CORO2B: variants seen among roughly 807,000 people sequenced by gnomAD.
CORO2B encodes coronin 2B.
Under a neutral mutation model 58.8 loss-of-function variants are expected in CORO2B, and 26 were observed. That is an observed-to-expected ratio of 0.44 (90% CI 0.32 to 0.61). CORO2B has a LOEUF of 0.61. Ranked by LOEUF, CORO2B falls within the 20% of genes least tolerant of loss-of-function variation. The pLI is 0.04. For missense variants in CORO2B, 460 were observed against 645.1 expected, an observed-to-expected ratio of 0.71 and a Z score of 3.11; for synonymous variants, 242 against 253.8, an observed-to-expected ratio of 0.95 and a Z score of 0.44.
At chr15:68,588,688 G>A (rs1318457208) in intron 1 of CORO2B, among the ~76,000 whole-genome samples, 2 of 152,146 alleles carry the variant, frequency 1.3e-5, no homozygotes, top group African/African-American at 2.4e-5. Flanking sequence ...ACTAGCTTGA[G>A]GCATTTGCAG....
chr15:68,641,277 C>T lies in CORO2B; in HGVS notation c.16-3883C>T, dbSNP rs561850978. ...CCCGAGCCTGAGCGCTGTGGTCCCC[C>T]AGGATGCAGCATCCAGCTCAGAAGT... On this transcript the variant is annotated intron_variant, in intron 1 of 11. Transcript: ENST00000261861. 2.6e-5 allele frequency among the ~76,000 whole-genome samples: 4 copies of T among 152,300 alleles called. No homozygotes were observed. The East Asian group carries it at 7.7e-4, about 29-fold the overall frequency.
intron 1 of CORO2B, among the ~76,000 whole-genome samples, chr15:68,618,584 C>A (rs77719062): frequency 6.6e-6 from 1 of 152,342 alleles, no homozygotes; most frequent in East Asian, 1.9e-4. Flanking sequence ...CAGTGCTCTT[C>A]CTGGGTTATC....
chr15:68,608,668 G>C (rs1289946745), intron 1 of CORO2B, among the ~76,000 whole-genome samples: 1 of 152,192 alleles, frequency 6.6e-6, no homozygotes, highest in Non-Finnish European at 1.5e-5. Flanking sequence ...CTCTCCTAGG[G>C]AGGGAACTCC....
At position 68,650,828 on chromosome 15, in the gene CORO2B, T is replaced by C. The variant is rs1901618368; in HGVS notation, c.216+5468T>C. ...TGATGTGAAGAGGGAGCCCCTGAAGTTTCAGAGGCCCTACAGGCCAGAGAG... is the reference window on the plus strand; with the variant it reads ...TGATGTGAAGAGGGAGCCCCTGAAGCTTCAGAGGCCCTACAGGCCAGAGAG... On this transcript the variant is annotated intron_variant, in intron 2 of 11. Transcript: ENST00000261861. Among the ~76,000 whole-genome samples, 4 of 152,210 alleles carry C rather than the reference T, an allele frequency of 2.6e-5. No individual in the cohort carries two copies. The South Asian group carries it at 8.3e-4, about 32-fold the overall frequency.
intron 2 of CORO2B, among the ~76,000 whole-genome samples, chr15:68,688,541 T>C (rs1278173182): frequency 1.3e-5 from 2 of 152,198 alleles, no homozygotes; most frequent in Non-Finnish European, 2.9e-5. Flanking sequence ...AAATCTGAAA[T>C]ACTTCTGGTC....
the CORO2B span, among the ~76,000 whole-genome samples, chr15:68,531,549 A>AAAG: frequency 7.5e-6 from 1 of 133,156 alleles, no homozygotes; most frequent in Non-Finnish European, 1.6e-5. Flanking sequence ...GGAAGGAAGG[A>AAAG]AGGAAGGAAA....
chr15:68,652,596 T>C (rs559985229), intron 2 of CORO2B, among the ~76,000 whole-genome samples: 1 of 152,298 alleles, frequency 6.6e-6, no homozygotes, highest in East Asian at 1.9e-4. Flanking sequence ...CCATTCTCAG[T>C]CCCAGCTGTA....
chr15:68,721,727 T>A (rs1458340660), intron 11 of CORO2B, among the ~76,000 whole-genome samples: 1 of 127,660 alleles, frequency 7.8e-6, no homozygotes, highest in African/African-American at 2.7e-5. Context: ...ATTTAAAAAA[T>A]TTTTAAGTGT....
chr15:68,714,037 A>G lies in CORO2B; in HGVS notation c.761A>G (p.Asp254Gly). Residue 254 changes from aspartate to glycine, a missense_variant, in exon 6 of 12, where the codon GAC becomes GGC. Transcript: ENST00000261861. ...RWNTRQIALW[D>G]QEDLSMPLIE... The stretch of plus-strand genomic sequence containing the variant: ...AACACAAGACAGATTGCCCTCTGGG[A>G]CCAGGTCAGCCACGGGGAGGCCTGC... The G allele has an allele frequency of 6.2e-6, 10 of 1,610,884 alleles. No homozygotes were observed. Among genetic ancestry groups the G allele is most frequent in the Non-Finnish European group, 8.5e-6 (10 of 1,177,222 alleles).
intron 11 of CORO2B, among the ~76,000 whole-genome samples, chr15:68,723,562 C>T (rs112228181): frequency 0.027 from 4,068 of 152,056 alleles, 201 homozygotes; most frequent in African/African-American, 0.088. Context: ...TCAAGCAATT[C>T]TTTGCTTCAG....
chr15:68,605,546 AAT>A, intron 1 of CORO2B, among the ~76,000 whole-genome samples: 1 of 152,340 alleles, frequency 6.6e-6, no homozygotes, highest in African/African-American at 2.4e-5. Flanking sequence ...AGTGTGGGAA[AAT>A]ATTCGTGCTA....
upstream of CORO2B, chr15:68,578,894 TTCCTCC>T: frequency 2.3e-6 from 1 of 436,984 alleles, no homozygotes; most frequent in Non-Finnish European, 3.0e-6. The surrounding 1 kb of genome is among the most constrained non-coding windows in gnomAD (Gnocchi z 4.2). Context: ...CGGGCTGCGC[TTCCTCC>T]TCCTCCTCCC....
At chr15:68,626,572 G>A (rs73442227) in intron 1 of CORO2B, among the ~76,000 whole-genome samples, 5,535 of 152,162 alleles carry the variant, frequency 0.036, 122 homozygotes, top group South Asian at 0.097. Flanking sequence ...ACACAGATGC[G>A]GGACTCCCAG....
chr15:68,716,336 C>A (rs2140331323), intron 8 of CORO2B, among the ~76,000 whole-genome samples: 1 of 152,354 alleles, frequency 6.6e-6, no homozygotes, highest in East Asian at 1.9e-4. Flanking sequence ...GATAATCAAA[C>A]CTTCCTTGAA....
intron 1 of CORO2B, among the ~76,000 whole-genome samples, chr15:68,619,711 CCATA>C (rs934327320): frequency 4.0e-5 from 6 of 151,088 alleles, no homozygotes; most frequent in Non-Finnish European, 5.9e-5. Flanking sequence ...ATATGTGTAC[CCATA>C]CATATATGTA....
At chr15:68,520,671 T>C in the CORO2B span, among the ~76,000 whole-genome samples, 2 of 152,344 alleles carry the variant, frequency 1.3e-5, no homozygotes, top group Non-Finnish European at 2.9e-5. Flanking sequence ...AAGTCAAATA[T>C]GGTTGACTAT....
intron 3 of CORO2B, among the ~76,000 whole-genome samples, chr15:68,706,670 C>A (rs192705617): frequency 6.6e-6 from 1 of 152,304 alleles, no homozygotes; most frequent in Admixed American, 6.5e-5. Flanking sequence ...CAAGTGCAGA[C>A]AAGGGTAGCC....
chr15:68,672,842 G>A (rs898098215), intron 2 of CORO2B, among the ~76,000 whole-genome samples: 2 of 152,256 alleles, frequency 1.3e-5, no homozygotes, highest in Middle Eastern at 6.8e-3. Context: ...CCACCAAGTG[G>A]CCAGGGACTG....
the CORO2B span, among the ~76,000 whole-genome samples, chr15:68,518,765 G>A: frequency 6.6e-6 from 1 of 152,098 alleles, no homozygotes; most frequent in Non-Finnish European, 1.5e-5. Context: ...TGGAGAGGGG[G>A]TGGGGGGCTG....
Sources: allele counts gnomAD v4.1 joint callset (sites outside exome capture counted in the v4.1 genomes callset), GRCh38; gene constraint gnomAD v4.1.1; non-coding constraint Gnocchi (gnomAD v3.1); transcripts MANE v1.5; gene names NCBI Gene and HGNC (gene_info 2026-07-23, HGNC 2026-07-21).